The following PCDH15 variants were observed in gnomAD, a reference collection of about 807,000 sequenced individuals.
PCDH15 encodes protocadherin-15.
In PCDH15, 129 loss-of-function variants were observed where a neutral mutation model predicts 178.5. The observed-to-expected ratio is 0.72, with a 90% confidence interval of 0.63 to 0.84. The LOEUF is 0.84. Ranked by LOEUF, PCDH15 falls within the 40% of genes least tolerant of loss-of-function variation. The probability of loss-of-function intolerance (pLI) is 0.00; values close to 1 mark genes in which losing one functional copy is unlikely to be tolerated. For missense variants in PCDH15, 2,230 were observed against 2,099.9 expected (o/e 1.06, Z -1.21); for synonymous variants, 800 against 732.0 (o/e 1.09, Z -1.50).
chr10:54,336,534 C>A (rs185194679), intron 6 of PCDH15, among the ~76,000 whole-genome samples: 1 of 152,136 alleles, frequency 6.6e-6, no homozygotes, highest in Non-Finnish European at 1.5e-5. Context: ...GCTCAGGCTG[C>A]GGCTTCAGAA....
chr10:55,431,600 C>T (rs1434226240), intron 2 of PCDH15, among the ~76,000 whole-genome samples: 1 of 152,082 alleles, frequency 6.6e-6, no homozygotes, highest in Admixed American at 6.5e-5. Context: ...TTCAAAATAG[C>T]AATCTATGTG....
intron 2 of PCDH15, among the ~76,000 whole-genome samples, chr10:54,531,648 C>A (rs532347275): frequency 6.6e-6 from 1 of 152,070 alleles, no homozygotes; most frequent in Non-Finnish European, 1.5e-5. Flanking sequence ...GTTCTTTTAA[C>A]GTTGATCAAT....
rs549889465 is a variant in PCDH15, at chr10:54,812,749, A to G, written c.-29+84701T>C. ...TGGGATAACAGGTGTGAGCCACCAC[A>G]CCCAGCCTTTTTAAAATATTATTAT... On this transcript the variant is annotated intron_variant, in intron 3 of 5. Transcript: ENST00000458638. 4.5e-4 allele frequency among the ~76,000 whole-genome samples: 69 copies of G among 151,936 alleles called. 2 individuals are homozygous for G. In the South Asian group the frequency reaches 9.4e-3, roughly 21 times the overall value.
chr10:55,318,221 CGA>C (rs369092559), intron 1 of PCDH15, among the ~76,000 whole-genome samples: 51 of 150,998 alleles, frequency 3.4e-4, no homozygotes, highest in African/African-American at 9.2e-4. Context: ...AAAAAACACA[CGA>C]GAGAGAGAGA....
rs1425516764 is a variant in PCDH15 at position 54,587,238 on chromosome 10, T to A, written c.92-59361A>T. 2.0e-5 allele frequency among the ~76,000 whole-genome samples: 3 copies of A among 152,212 alleles called. No individual in the cohort carries two copies. The East Asian group carries it at 5.8e-4, about 29-fold the overall frequency. On this transcript the variant is annotated intron_variant, in intron 2 of 37. Coordinates refer to ENST00000644397, the MANE Select transcript of PCDH15 (RefSeq NM_001384140.1). ...GACAGAAAAGTGTGCAGTTATGTTG[T>A]CTCTGTTTCCCATTGATAAACACAA...
chr10:54,953,335 A>G (rs1327146071), intron 2 of PCDH15, among the ~76,000 whole-genome samples: 3 of 151,360 alleles, frequency 2.0e-5, no homozygotes, highest in Non-Finnish European at 4.4e-5. Context: ...TTAGCTTTTG[A>G]ATATTGATGC....
chr10:53,993,945 T>A (rs1255638088), intron 21 of PCDH15, among the ~76,000 whole-genome samples: 1 of 152,218 alleles, frequency 6.6e-6, no homozygotes, highest in Non-Finnish European at 1.5e-5. Context: ...AAGGCCAATA[T>A]CAATTATTAA....
rs56196057 is a variant in PCDH15, at chr10:54,016,262, GAA to G, written c.2751+3928_2751+3929del. ...AGAATTGCTATTAAAAAGTAAAAAAGAAAAAAAAAAACATGCTGGTGAGGTTG... is the reference window on the plus strand; with the variant it reads ...AGAATTGCTATTAAAAAGTAAAAAAGAAAAAAAAACATGCTGGTGAGGTTG... On this transcript the variant is annotated intron_variant, in intron 20 of 37. Coordinates refer to ENST00000644397, the MANE Select transcript of PCDH15 (RefSeq NM_001384140.1). 6.0e-3 allele frequency among the ~76,000 whole-genome samples: 899 copies of G among 148,724 alleles called. 6 individuals are homozygous for G. Among genetic ancestry groups the G allele is most frequent in the African/African-American group, 0.02 (821 of 40,558 alleles).
Position 54,158,975 on chromosome 10 carries a change from G to A in PCDH15, c.1591-5682C>T, listed in dbSNP as rs570265623. ...ACAAAAATATTAGCCAGGCGTGGTG[G>A]CGAGCACATGTAGTCCCAGTGTTTT... On this transcript the variant is annotated intron_variant, in intron 13 of 37. Transcript: ENST00000644397. Among the ~76,000 whole-genome samples, 5 of 152,060 alleles carry A rather than the reference G, an allele frequency of 3.3e-5. No individual in the cohort carries two copies. The South Asian group carries it at 1.0e-3, about 32-fold the overall frequency.
At chr10:54,067,972 ATTTTT>A (rs1009750315) in intron 17 of PCDH15, among the ~76,000 whole-genome samples, 67 of 140,586 alleles carry the variant, frequency 4.8e-4, no homozygotes, top group African/African-American at 1.6e-3. Context: ...TTTATTTTTT[ATTTTT>A]TTTTATTTTT....
intron 3 of PCDH15, among the ~76,000 whole-genome samples, chr10:54,840,017 G>T (rs1292872329): frequency 6.6e-6 from 1 of 151,854 alleles, no homozygotes; most frequent in Non-Finnish European, 1.5e-5. Context: ...AATTAAAGGA[G>T]TTTATTACTA....
rs141155169 is a variant in PCDH15, at chr10:55,176,201, A to C, written c.-155-9550T>G. On this transcript the variant is annotated intron_variant, in intron 1 of 5. Transcript: ENST00000458638. ...CAATCCAGGCTTCTTCTCCTCCCTC[A>C]GTACGACCATGAGGGGTGTCTCAGG... Among the ~76,000 whole-genome samples, 87 of 152,224 alleles carry C rather than the reference A, an allele frequency of 5.7e-4. 2 individuals carry two copies. The East Asian group carries it at 0.011, about 20-fold the overall frequency.
chr10:55,460,975 GTA>G (rs1272026972), intron 2 of PCDH15, among the ~76,000 whole-genome samples: 1 of 152,082 alleles, frequency 6.6e-6, no homozygotes, highest in Non-Finnish European at 1.5e-5. Flanking sequence ...AGTGTTCTGT[GTA>G]TTCTACCCCA....
intron 1 of PCDH15, among the ~76,000 whole-genome samples, chr10:54,696,315 A>G (rs993041590): frequency 6.6e-6 from 1 of 152,150 alleles, no homozygotes; most frequent in African/African-American, 2.4e-5. Context: ...TGGAGCCTAA[A>G]TATATGACTG....
intron 2 of PCDH15, chr10:55,469,270 T>G (rs1839906954): frequency 6.6e-6 from 1 of 152,140 alleles, no homozygotes; most frequent in Admixed American, 6.5e-5. Flanking sequence ...TTCCCTGGTT[T>G]TGCCATATTT....
At chr10:54,478,926 G>T (rs2078485974) in intron 3 of PCDH15, among the ~76,000 whole-genome samples, 1 of 150,836 alleles carries the variant, frequency 6.6e-6, no homozygotes, top group South Asian at 2.1e-4. Flanking sequence ...CAAATGTAGA[G>T]TTATTATGTG....
At chr10:54,184,128 C>T (rs1320387564) in intron 12 of PCDH15, among the ~76,000 whole-genome samples, 1 of 152,040 alleles carries the variant, frequency 6.6e-6, no homozygotes, top group East Asian at 1.9e-4. Context: ...GTATGTTATA[C>T]TTTATCAATG....
At chr10:54,469,616 C>T (rs2077757097) in intron 3 of PCDH15, among the ~76,000 whole-genome samples, 1 of 152,160 alleles carries the variant, frequency 6.6e-6, no homozygotes, top group Non-Finnish European at 1.5e-5. Flanking sequence ...ATGTCTTTCC[C>T]TAATTTTCAG....
intron 15 of PCDH15, among the ~76,000 whole-genome samples, chr10:54,100,280 G>A (rs1282606516): frequency 1.3e-5 from 2 of 151,634 alleles, no homozygotes; most frequent in Non-Finnish European, 2.9e-5. Context: ...CAGGAGAATC[G>A]CTTGAACCCG....
Sources: allele counts gnomAD v4.1 joint callset (sites outside exome capture counted in the v4.1 genomes callset), GRCh38; gene constraint gnomAD v4.1.1; transcripts MANE v1.5; gene names NCBI Gene and HGNC (gene_info 2026-07-23, HGNC 2026-07-21).